The following GRAMD2A variants were observed in gnomAD, a reference collection of about 807,000 sequenced individuals.
The protein encoded by GRAMD2A is GRAM domain-containing protein 2A.
Under a neutral mutation model 51.1 loss-of-function variants are expected in GRAMD2A, and 37 were observed. The observed-to-expected ratio is 0.72, with a 90% CI of 0.56 to 0.95. The LOEUF is 0.95. GRAMD2A is among the 40% of genes least tolerant of loss of function. The pLI, the probability that GRAMD2A is intolerant of heterozygous loss-of-function variation, is 0.00. For synonymous variants in GRAMD2A, 136 were observed against 157.1 expected (o/e 0.87, Z 1.01); for missense variants, 414 against 426.9 (o/e 0.97, Z 0.27).
chr15:72,181,076 A>G (rs1462913507), intron 1 of GRAMD2A, among the ~76,000 whole-genome samples: 1 of 152,176 alleles, frequency 6.6e-6, no homozygotes, highest in Non-Finnish European at 1.5e-5. Context: ...GTCACTGTAG[A>G]GGGGTTGCCA....
chr15:72,162,506 G>A, intron 10 of GRAMD2A, 129 bp from the exon 11 acceptor site: 1 of 631,008 alleles, frequency 1.6e-6, no homozygotes. Context: ...TTGTCCTGCA[G>A]CCAGTTCAGG....
chr15:72,168,658 C>A (rs1490158028), intron 3 of GRAMD2A, 92 bp from the exon 4 acceptor site: 1 of 1,093,094 alleles, frequency 9.1e-7, no homozygotes, highest in Non-Finnish European at 1.4e-6. Context: ...CACAGCCCCC[C>A]GGCCCATGCT....
intron 1 of GRAMD2A, among the ~76,000 whole-genome samples, chr15:72,196,891 TCA>T: frequency 6.6e-6 from 1 of 152,128 alleles, no homozygotes; most frequent in South Asian, 2.1e-4. Flanking sequence ...GACACAAGGC[TCA>T]CACATTCATC....
intron 1 of GRAMD2A, among the ~76,000 whole-genome samples, chr15:72,186,514 A>G (rs2081735357): frequency 1.3e-5 from 2 of 151,968 alleles, no homozygotes. Context: ...TAGTAGAGAC[A>G]GGGTTTCACT....
chr15:72,173,488 A>C (rs1187231890), intron 1 of GRAMD2A: 1 of 152,240 alleles, frequency 6.6e-6, no homozygotes, highest in Non-Finnish European at 1.5e-5. Flanking sequence ...AGGGGCTCAC[A>C]GACTCTGCCT....
chr15:72,181,447 A>G (rs1415647776), intron 1 of GRAMD2A, among the ~76,000 whole-genome samples: 1 of 152,222 alleles, frequency 6.6e-6, no homozygotes, highest in African/African-American at 2.4e-5. Flanking sequence ...GTGGGGATCC[A>G]CTGGACAACT....
intron 3 of GRAMD2A, among the ~76,000 whole-genome samples, 155 bp downstream of exon 3, chr15:72,168,784 G>A (rs562185910): frequency 6.6e-6 from 1 of 152,338 alleles, no homozygotes; most frequent in South Asian, 2.1e-4. Context: ...ACTAGCAGAG[G>A]GGGACACACT....
Position 72,169,861 on chromosome 15 carries a change from C to T in GRAMD2A, c.120G>A (p.Glu40=), listed in dbSNP as rs1407588053. ...GGGGTCCTCACCTGTAGTCCGGGGGCTCCTCAACTCTGTCTGGTTTCTCTT... is the reference window on the plus strand; with the variant it reads ...GGGGTCCTCACCTGTAGTCCGGGGGTTCCTCAACTCTGTCTGGTTTCTCTT... The part of the protein sequence containing the change: ...SCKEKPDRVE[E]PPDYSLHWPE... The change falls in exon 2 of 12, where the codon GAG becomes GAA. Residue 40 remains glutamate, a synonymous_variant. Transcript: ENST00000309731. 6 of 1,613,490 alleles carry T rather than the reference C, an allele frequency of 3.7e-6. No homozygotes were observed. Among genetic ancestry groups the T allele is most frequent in the Non-Finnish European group, 5.1e-6 (6 of 1,179,374 alleles).
rs1370456702 is a variant in GRAMD2A, at chr15:72,161,305, AGCCACT to A, written c.*698_*703del. On this transcript the variant is annotated 3_prime_UTR_variant, in exon 12 of 12. Coordinates refer to ENST00000309731, the MANE Select transcript of GRAMD2A (RefSeq NM_001012642.3). Reference sequence around the variant, plus strand: ...GAATTCAGGTACCTCTGTTCTTCACAGCCACTGCCACCATCTCCGCCGTGGGCAGCA... The same window carrying A: ...GAATTCAGGTACCTCTGTTCTTCACAGCCACCATCTCCGCCGTGGGCAGCA... The A allele has an allele frequency of 2.6e-5, 4 of 152,754 alleles. No homozygotes were observed. In the East Asian group the frequency reaches 5.8e-4, roughly 22 times the overall value. The allele number at this position is 152,754 out of a possible 1,614,324, so 9.5% of individuals were successfully genotyped here.
rs1026884091 is a variant in GRAMD2A, at chr15:72,169,834, A to C, written c.134+13T>G. 3 of 1,599,950 alleles carry C rather than the reference A, an allele frequency of 1.9e-6. No homozygotes were observed. In the African/African-American group the frequency reaches 4.0e-5, roughly 21 times the overall value. On this transcript the variant is annotated intron_variant, in intron 2 of 11. Coordinates refer to ENST00000309731, the MANE Select transcript of GRAMD2A (RefSeq NM_001012642.3). ...AGTCTGTGTGTATCTATGACTGGGAAAGGGGTCCTCACCTGTAGTCCGGGG... is the reference window on the plus strand; with the variant it reads ...AGTCTGTGTGTATCTATGACTGGGACAGGGGTCCTCACCTGTAGTCCGGGG...
rs192255193 is a variant in GRAMD2A at position 72,169,878 on chromosome 15, G to A, written c.103C>T (p.Pro35Ser). The A allele has an allele frequency of 6.2e-7, 1 of 1,614,132 alleles. No homozygotes were observed. The highest frequency in any genetic ancestry group is 8.5e-7 in the Non-Finnish European group (1 of 1,179,994). The change falls in exon 2 of 12, where the codon CCA (proline) becomes TCA (serine). Residue 35 changes from proline to serine, a missense_variant. By Grantham distance (74) the Pro-to-Ser change is moderately conservative. Transcript: ENST00000309731. ...LNSPVSCKEK[P>S]DRVEEPPDYS... ...TCCGGGGGCTCCTCAACTCTGTCTG[G>A]TTTCTCTTTGCAGGACACAGGACTG... is the stretch of plus-strand genomic sequence containing the variant.
Position 72,168,894 on chromosome 15 carries a change from G to C in GRAMD2A, c.192+45C>G, listed in dbSNP as rs551905515. 4.5e-6 allele frequency: 7 copies of C among 1,571,748 alleles called. No individual in the cohort carries two copies. The South Asian group carries it at 6.6e-5, about 15-fold the overall frequency. On this transcript the variant is annotated intron_variant, in intron 3 of 11. Transcript: ENST00000309731. ...AAGTCACTGAATTCTGGCAGCCCAGGACCCCTTCCTGGGTGAATAGTGAGA... is the reference window on the plus strand; with the variant it reads ...AAGTCACTGAATTCTGGCAGCCCAGCACCCCTTCCTGGGTGAATAGTGAGA...
chr15:72,162,164 AAGCC>A (rs2081483346), intron 11 of GRAMD2A, 105 bp downstream of exon 11: 2 of 1,337,358 alleles, frequency 1.5e-6, no homozygotes, highest in Middle Eastern at 1.9e-4. Context: ...TTAGGGTCAG[AAGCC>A]AGCTCAAAAC....
intron 2 of GRAMD2A, 62 bp downstream of exon 2, chr15:72,169,785 C>A: frequency 7.2e-7 from 1 of 1,391,980 alleles, no homozygotes; most frequent in Non-Finnish European, 1.0e-6. Context: ...AAACAGGTCA[C>A]TTCCTGAGGG....
intron 1 of GRAMD2A, among the ~76,000 whole-genome samples, chr15:72,189,600 G>A (rs1264140653): frequency 6.6e-6 from 1 of 152,222 alleles, no homozygotes; most frequent in Non-Finnish European, 1.5e-5. Flanking sequence ...TAAAACAGAG[G>A]TAGCTTTTCT....
chr15:72,163,132 C>T, intron 10 of GRAMD2A, 134 bp downstream of exon 10: 1 of 626,168 alleles, frequency 1.6e-6, no homozygotes, highest in South Asian at 2.0e-5. Context: ...CTTCAGATAC[C>T]ACCCAAGAGC....
At chr15:72,189,833 AC>A (rs1259678067) in intron 1 of GRAMD2A, among the ~76,000 whole-genome samples, 1 of 152,170 alleles carries the variant, frequency 6.6e-6, no homozygotes, top group Non-Finnish European at 1.5e-5. Context: ...AAGAATTTGA[AC>A]CCAGGTCTGT....
intron 1 of GRAMD2A, among the ~76,000 whole-genome samples, chr15:72,183,187 G>GT (rs963853579): frequency 1.0e-3 from 145 of 144,544 alleles, no homozygotes; most frequent in Middle Eastern, 3.8e-3. Flanking sequence ...GGGTTTTGTT[G>GT]TTTTTTTTTT....
intron 1 of GRAMD2A, among the ~76,000 whole-genome samples, chr15:72,184,521 G>C (rs964145872): frequency 7.2e-5 from 11 of 152,248 alleles, no homozygotes; most frequent in Non-Finnish European, 2.9e-5. Context: ...GGTGCAGTGC[G>C]TGTACCAAGC....
Sources: gnomAD v4.1 joint callset for allele counts (sites outside exome capture counted in the v4.1 genomes callset) on GRCh38, gnomAD v4.1.1 for gene constraint, MANE v1.5 for transcripts, NCBI Gene and HGNC (gene_info 2026-07-23, HGNC 2026-07-21) for gene names.